GRIK2: variants seen among roughly 807,000 people sequenced by gnomAD.
GRIK2 encodes the protein glutamate ionotropic receptor kainate type subunit 2.
In GRIK2, 32 loss-of-function variants were observed where a neutral mutation model predicts 100.3. That is an observed-to-expected ratio of 0.32 (90% confidence interval 0.24 to 0.43). The LOEUF (loss-of-function observed/expected upper bound fraction) is 0.43. Ranked by LOEUF, GRIK2 falls within the 20% of genes least tolerant of loss-of-function variation. GRIK2 has a pLI of 1.00. For synonymous variants in GRIK2, 417 were observed against 389.4 expected (o/e 1.07, Z -0.83); for missense variants, 843 against 1,114.9 (o/e 0.76, Z 3.47).
chr6:102,001,275 G>T (rs190968803), intron 14 of GRIK2, among the ~76,000 whole-genome samples: 1 of 151,284 alleles, frequency 6.6e-6, no homozygotes, highest in Non-Finnish European at 1.5e-5. Flanking sequence ...TGCCATGGTG[G>T]TTTGCTGAAC....
intron 2 of GRIK2, among the ~76,000 whole-genome samples, chr6:101,561,806 A>G (rs1394047636): frequency 6.6e-6 from 1 of 152,130 alleles, no homozygotes; most frequent in Non-Finnish European, 1.5e-5. Context: ...TCAAGACAAA[A>G]ATATTTTGGA....
At chr6:102,041,541 T>C (rs998842252) in intron 15 of GRIK2, among the ~76,000 whole-genome samples, 11 of 151,672 alleles carry the variant, frequency 7.3e-5, no homozygotes, top group African/African-American at 2.7e-4. Context: ...ATTCATAGCA[T>C]GTTGCATGGA....
chr6:102,049,246 T>G (rs537239593), intron 15 of GRIK2, among the ~76,000 whole-genome samples: 1 of 152,188 alleles, frequency 6.6e-6, no homozygotes, highest in East Asian at 1.9e-4. Flanking sequence ...TCACAATATG[T>G]AAGTTCAAAG....
chr6:101,472,320 A>G (rs1325600421), intron 2 of GRIK2, among the ~76,000 whole-genome samples: 1 of 151,718 alleles, frequency 6.6e-6, no homozygotes, highest in Non-Finnish European at 1.5e-5. Flanking sequence ...TTTTCCCTGT[A>G]GAGATATAAT....
intron 14 of GRIK2, among the ~76,000 whole-genome samples, chr6:102,011,577 CTTTTTTTTTTTT>C: frequency 1.3e-5 from 1 of 76,644 alleles, no homozygotes; most frequent in East Asian, 3.7e-4. Flanking sequence ...CTTTCTTTTC[CTTTTTTTTTTTT>C]TTTTTTTTTT....
chr6:101,428,824 A>G (rs906345810), intron 2 of GRIK2, among the ~76,000 whole-genome samples: 6 of 152,050 alleles, frequency 3.9e-5, no homozygotes, highest in African/African-American at 1.2e-4. Context: ...GGTGGGTGAC[A>G]GGGGGTTAGA....
At chr6:101,550,904 G>C (rs1416426341) in intron 2 of GRIK2, among the ~76,000 whole-genome samples, 2 of 152,114 alleles carry the variant, frequency 1.3e-5, no homozygotes, top group African/African-American at 4.8e-5. Context: ...TAAAATGAAA[G>C]CATTACTAAA....
chr6:101,478,286 T>A (rs1388192459), intron 2 of GRIK2, among the ~76,000 whole-genome samples: 2 of 152,112 alleles, frequency 1.3e-5, no homozygotes, highest in Non-Finnish European at 2.9e-5. Context: ...AAACAAAATC[T>A]TAAAATAACA....
intron 7 of GRIK2, among the ~76,000 whole-genome samples, chr6:101,720,721 G>A (rs1265966121): frequency 1.3e-5 from 2 of 150,594 alleles, no homozygotes; most frequent in Admixed American, 6.7e-5. Context: ...AAATTTAAAA[G>A]GTCCTAGAAG....
chr6:102,013,251 A>G (rs1037042418), intron 14 of GRIK2, among the ~76,000 whole-genome samples: 1 of 152,030 alleles, frequency 6.6e-6, no homozygotes, highest in Non-Finnish European at 1.5e-5. Flanking sequence ...TTGCTTGTGT[A>G]TAGGAATGCT....
chr6:101,552,723 C>G (rs912483240), intron 2 of GRIK2, among the ~76,000 whole-genome samples: 3 of 152,088 alleles, frequency 2.0e-5, no homozygotes, highest in African/African-American at 7.2e-5. Flanking sequence ...TATCTGTGCA[C>G]CTGAGAATTG....
Position 101,791,079 on chromosome 6 carries a change from C to T in GRIK2, c.952-8569C>T, listed in dbSNP as rs545693237. ...TCCCTTTTATCATTTTTTATTGCGT[C>T]TATTTGATTCTTCTCTCTTTTTTTC... On this transcript the variant is annotated intron_variant, in intron 7 of 16. Coordinates refer to ENST00000369134, the MANE Select transcript of GRIK2 (RefSeq NM_021956.5). Among the ~76,000 whole-genome samples, 64 of 149,952 alleles carry T rather than the reference C, an allele frequency of 4.3e-4. No individual in the cohort carries two copies. The East Asian group carries it at 4.5e-3, about 11-fold the overall frequency.
At chr6:101,590,236 T>A (rs1016734828) in intron 2 of GRIK2, among the ~76,000 whole-genome samples, 2 of 152,112 alleles carry the variant, frequency 1.3e-5, no homozygotes, top group Non-Finnish European at 2.9e-5. Flanking sequence ...TACTCTTCTT[T>A]TTTCCTGCTT....
intron 7 of GRIK2, among the ~76,000 whole-genome samples, chr6:101,769,070 T>C (rs895419621): frequency 1.3e-5 from 2 of 152,206 alleles, no homozygotes; most frequent in African/African-American, 4.8e-5. Context: ...CTAAACTTCA[T>C]GCTTTTAACT....
chr6:102,000,516 T>G (rs1369102741), intron 14 of GRIK2, among the ~76,000 whole-genome samples: 1 of 151,992 alleles, frequency 6.6e-6, no homozygotes, highest in East Asian at 1.9e-4. Context: ...AGTAAGAACA[T>G]GAGGTATTTG....
intron 1 of GRIK2, among the ~76,000 whole-genome samples, chr6:101,397,644 A>T (rs1775064597): frequency 6.7e-6 from 1 of 149,806 alleles, no homozygotes; most frequent in African/African-American, 2.5e-5. Flanking sequence ...AAATCGCTGT[A>T]AGGAAATGAA....
chr6:101,593,368 G>A (rs186942605), intron 2 of GRIK2, among the ~76,000 whole-genome samples: 36 of 151,824 alleles, frequency 2.4e-4, no homozygotes, highest in South Asian at 2.1e-3. Context: ...ATTTGCTGTC[G>A]TGTAATGAGC....
chr6:101,811,234 G>C (rs188565014), intron 9 of GRIK2, among the ~76,000 whole-genome samples: 137 of 152,138 alleles, frequency 9.0e-4, no homozygotes, highest in Non-Finnish European at 1.6e-3. Context: ...GTACAGTGTG[G>C]TTTCTCATTA....
chr6:101,794,907 C>G (rs1780183908), intron 7 of GRIK2, among the ~76,000 whole-genome samples: 1 of 150,914 alleles, frequency 6.6e-6, no homozygotes, highest in South Asian at 2.1e-4. Context: ...ACTTTGTCAC[C>G]CAGTCTGGAA....
Sources: gnomAD v4.1 joint callset for allele counts (sites outside exome capture counted in the v4.1 genomes callset) on GRCh38, gnomAD v4.1.1 for gene constraint, MANE v1.5 for transcripts, NCBI Gene and HGNC (gene_info 2026-07-23, HGNC 2026-07-21) for gene names.